Variants in NEGR1 observed in about 807,000 individuals in gnomAD.
NEGR1 encodes IgLON family member 4.
In NEGR1, 10 loss-of-function variants were observed where a neutral mutation model predicts 40.9. The ratio of observed to expected loss-of-function variants is 0.24; its 90% CI spans 0.15 to 0.42. The LOEUF is 0.42. Ranked by LOEUF, NEGR1 falls within the 10% of genes least tolerant of loss-of-function variation. The pLI, the probability that NEGR1 is intolerant of heterozygous loss-of-function variation, is 1.00. For missense variants in NEGR1, 352 were observed against 438.9 expected (o/e 0.80, Z 1.77); for synonymous variants, 185 against 166.8 (o/e 1.11, Z -0.84).
chr1:71,963,443 C>T (rs936783718), intron 1 of NEGR1, among the ~76,000 whole-genome samples: 2 of 152,240 alleles, frequency 1.3e-5, no homozygotes, highest in Admixed American at 6.5e-5. Context: ...TCTAATACAA[C>T]GCTGCCATGA....
At chr1:72,038,416 T>G (rs1646923507) in intron 1 of NEGR1, among the ~76,000 whole-genome samples, 1 of 152,004 alleles carries the variant, frequency 6.6e-6, no homozygotes, top group Admixed American at 6.6e-5. Context: ...GCCATGATGT[T>G]TCAATAAAAA....
intron 6 of NEGR1, among the ~76,000 whole-genome samples, chr1:71,532,115 T>G (rs1206368375): frequency 6.6e-6 from 1 of 151,528 alleles, no homozygotes; most frequent in Non-Finnish European, 1.5e-5. Flanking sequence ...CTGAATAACT[T>G]TAGCATTTCC....
At chr1:72,057,749 T>G (rs1398057706) in intron 1 of NEGR1, among the ~76,000 whole-genome samples, 1 of 151,482 alleles carries the variant, frequency 6.6e-6, no homozygotes, top group Non-Finnish European at 1.5e-5. Context: ...TGTGCCAGCA[T>G]GGTTGGTGTC....
At chr1:71,934,997 G>A in intron 2 of NEGR1, 82 bp downstream of exon 2, 1 of 776,186 alleles carries the variant, frequency 1.3e-6, no homozygotes, top group Non-Finnish European at 2.2e-6. Flanking sequence ...ATTGTTAACT[G>A]CTTCCTAGTC....
intron 1 of NEGR1, among the ~76,000 whole-genome samples, chr1:72,043,455 T>C (rs1411849729): frequency 1.3e-5 from 2 of 151,754 alleles, no homozygotes; most frequent in African/African-American, 4.8e-5. Flanking sequence ...TTGAGGTAAA[T>C]GCTTATGTAT....
chr1:71,604,105 G>A (rs1650005038), intron 5 of NEGR1, among the ~76,000 whole-genome samples: 1 of 152,022 alleles, frequency 6.6e-6, no homozygotes. Flanking sequence ...TATCTCCCAT[G>A]GTATGTATTT....
intron 2 of NEGR1, among the ~76,000 whole-genome samples, chr1:71,857,608 C>A (rs1402736963): frequency 1.1e-5 from 1 of 91,228 alleles, no homozygotes; most frequent in Admixed American, 1.9e-4. Flanking sequence ...GCCTAGGTGA[C>A]AAAGTGAGAT....
chr1:71,408,054 A>G (rs1199855708), intron 6 of NEGR1, among the ~76,000 whole-genome samples: 1 of 152,076 alleles, frequency 6.6e-6, no homozygotes, highest in Non-Finnish European at 1.5e-5. Flanking sequence ...AAAGATCTTC[A>G]AACAATTATA....
At chr1:72,071,833 T>G (rs1647475197) in intron 1 of NEGR1, among the ~76,000 whole-genome samples, 1 of 152,152 alleles carries the variant, frequency 6.6e-6, no homozygotes, top group Non-Finnish European at 1.5e-5. Flanking sequence ...ATTAGTGTCT[T>G]CTTCACTCTG....
intron 4 of NEGR1, among the ~76,000 whole-genome samples, chr1:71,612,512 C>G (rs1292946220): frequency 6.6e-6 from 1 of 151,986 alleles, no homozygotes; most frequent in Non-Finnish European, 1.5e-5. Context: ...AGCTTATATT[C>G]TAGATGGGGT....
chr1:71,916,158 T>G (rs994856861), intron 2 of NEGR1, among the ~76,000 whole-genome samples: 5 of 152,168 alleles, frequency 3.3e-5, no homozygotes, highest in Admixed American at 6.5e-5. Context: ...CTACACTTCT[T>G]CCTACAGAGA....
intron 1 of NEGR1, among the ~76,000 whole-genome samples, chr1:72,241,002 C>T (rs1654714215): frequency 1.3e-5 from 2 of 151,750 alleles, no homozygotes; most frequent in African/African-American, 4.8e-5. Context: ...ACTGCATTGA[C>T]AGGATTAAAG....
At chr1:71,580,697 C>T (rs370039012) in intron 6 of NEGR1, among the ~76,000 whole-genome samples, 1 of 151,920 alleles carries the variant, frequency 6.6e-6, no homozygotes, top group Non-Finnish European at 1.5e-5. Flanking sequence ...TGTATAAATC[C>T]CTACCAGGAG....
At chr1:72,061,864 C>G (rs1647181174) in intron 1 of NEGR1, among the ~76,000 whole-genome samples, 1 of 151,614 alleles carries the variant, frequency 6.6e-6, no homozygotes, top group East Asian at 1.9e-4. Context: ...CGATGCCCAC[C>G]CTTTTGTGTT....
At chr1:71,512,129 C>T (rs544549727) in intron 6 of NEGR1, among the ~76,000 whole-genome samples, 9 of 152,248 alleles carry the variant, frequency 5.9e-5, no homozygotes, top group African/African-American at 2.2e-4. Flanking sequence ...ATTATCCTCT[C>T]AACATACACA....
intron 3 of NEGR1, among the ~76,000 whole-genome samples, chr1:71,766,787 T>C (rs144581478): frequency 6.6e-6 from 1 of 152,196 alleles, no homozygotes; most frequent in Non-Finnish European, 1.5e-5. Flanking sequence ...GGAGTTTTCA[T>C]AAACAGCTGA....
chr1:72,012,429 A>T (rs551097937), intron 1 of NEGR1, among the ~76,000 whole-genome samples: 4 of 152,210 alleles, frequency 2.6e-5, no homozygotes, highest in African/African-American at 9.6e-5. Flanking sequence ...GAGCCAAATC[A>T]GTTTCTGTTA....
rs773893499 is a variant in NEGR1 at position 71,611,092 on chromosome 1, C to A, written c.722G>T (p.Gly241Val). The A allele has an allele frequency of 1.2e-6, 2 of 1,613,876 alleles. No homozygotes were observed. Among genetic ancestry groups the A allele is most frequent in the Admixed American group, 1.7e-5 (1 of 60,018 alleles). Residue 241 changes from glycine (G) to valine (V), a missense_variant, in exon 5 of 7, where the codon GGC becomes GTC. Coordinates refer to ENST00000357731, the MANE Select transcript of NEGR1 (RefSeq NM_173808.3). ...ACCTGCACCTTCACATCTTATCAGGCCACTGCGTCCGGGGGTCACGGTGCC... is the reference window on the plus strand; with the variant it reads ...ACCTGCACCTTCACATCTTATCAGGACACTGCGTCCGGGGGTCACGGTGCC... ...KSGTVTPGRS[G>V]LIRCEGAGVP...
At chr1:71,873,503 C>T (rs1286283623) in intron 2 of NEGR1, among the ~76,000 whole-genome samples, 1 of 152,024 alleles carries the variant, frequency 6.6e-6, no homozygotes, top group Non-Finnish European at 1.5e-5. Context: ...TCTTTCCTCT[C>T]TTTAAAAGAT....
Sources: gnomAD v4.1 joint callset for allele counts (sites outside exome capture counted in the v4.1 genomes callset) on GRCh38, gnomAD v4.1.1 for gene constraint, MANE v1.5 for transcripts, NCBI Gene and HGNC (gene_info 2026-07-23, HGNC 2026-07-21) for gene names.